The following CTNNA2 variants were observed in gnomAD, a reference collection of about 807,000 sequenced individuals.
The protein encoded by CTNNA2 is catenin alpha-2.
A neutral mutation model predicts 101.0 loss-of-function variants in CTNNA2; 42 were observed. That is an observed-to-expected ratio of 0.42 (90% CI 0.32 to 0.54). CTNNA2 has a LOEUF of 0.54. Among genes scored for constraint, CTNNA2 ranks in the 20% least tolerant of loss-of-function variants. The pLI is 0.14. For missense variants in CTNNA2, 871 were observed against 1,223.1 expected (o/e 0.71, Z 4.29); for synonymous variants, 450 against 456.4 (o/e 0.99, Z 0.18).
At chr2:80,568,203 C>G (rs1174415868) in intron 12 of CTNNA2, among the ~76,000 whole-genome samples, 1 of 152,212 alleles carries the variant, frequency 6.6e-6, no homozygotes, top group Non-Finnish European at 1.5e-5. Context: ...GCCCACTAAT[C>G]ACTTGTTAAA....
At chr2:79,880,291 A>G (rs1683327816) in intron 6 of CTNNA2, among the ~76,000 whole-genome samples, 1 of 151,816 alleles carries the variant, frequency 6.6e-6, no homozygotes, top group African/African-American at 2.4e-5. Context: ...TTTTTATTGC[A>G]TCTCTTCTCA....
At chr2:79,911,313 G>T (rs1190821874) in intron 7 of CTNNA2, among the ~76,000 whole-genome samples, 1 of 152,196 alleles carries the variant, frequency 6.6e-6, no homozygotes, top group African/African-American at 2.4e-5. Context: ...TTACATTAAG[G>T]CACGCTAGTG....
intron 1 of CTNNA2, among the ~76,000 whole-genome samples, chr2:79,617,040 T>G (rs1016394634): frequency 6.6e-6 from 1 of 152,048 alleles, no homozygotes; most frequent in Admixed American, 6.6e-5. Flanking sequence ...TAACTGGGAT[T>G]ACAGGTGTGC....
intron 2 of CTNNA2, among the ~76,000 whole-genome samples, chr2:79,664,110 G>A (rs1335766642): frequency 6.6e-6 from 1 of 152,134 alleles, no homozygotes. Context: ...AATGAAATGT[G>A]TTTTTGTATG....
chr2:80,099,521 G>T (rs1286672973), intron 7 of CTNNA2, among the ~76,000 whole-genome samples: 1 of 152,142 alleles, frequency 6.6e-6, no homozygotes, highest in Non-Finnish European at 1.5e-5. Context: ...GAATTTACTT[G>T]GGAGAACCAT....
At chr2:79,244,131 T>C (rs1366610242) in intron 2 of CTNNA2, among the ~76,000 whole-genome samples, 1 of 152,176 alleles carries the variant, frequency 6.6e-6, no homozygotes, top group Admixed American at 6.5e-5. Flanking sequence ...CCTCATCTTC[T>C]TTGTGGACTT....
chr2:80,043,031 CT>C (rs1696186194), intron 7 of CTNNA2, among the ~76,000 whole-genome samples: 1 of 60,320 alleles, frequency 1.7e-5, no homozygotes, highest in East Asian at 1.2e-3. Context: ...TTCTTTCTTT[CT>C]TTCTTTCCTT....
At chr2:80,075,567 T>A (rs866546825) in intron 7 of CTNNA2, among the ~76,000 whole-genome samples, 18 of 135,096 alleles carry the variant, frequency 1.3e-4, no homozygotes, top group Middle Eastern at 4.0e-3. Context: ...GTATAAATAT[T>A]ATAAAATAAT....
chr2:79,257,441 G>T (rs1473112028), intron 2 of CTNNA2, among the ~76,000 whole-genome samples: 2 of 151,462 alleles, frequency 1.3e-5, no homozygotes, highest in Non-Finnish European at 2.9e-5. Context: ...TGTGATTGTT[G>T]TAAGAGTGAT....
Position 79,567,938 on chromosome 2 carries a change from T to C in CTNNA2, c.-6+54731T>C, listed in dbSNP as rs1675217786. 2.0e-5 allele frequency among the ~76,000 whole-genome samples: 3 copies of C among 152,126 alleles called. No homozygotes were observed. The South Asian group carries it at 6.2e-4, about 32-fold the overall frequency. On this transcript the variant is annotated intron_variant, in intron 1 of 18. Transcript: ENST00000402739. Reference sequence around the variant, plus strand: ...GAGCCAGAGAAGACTGGACTATTTTTAGAGAATGCCTGCAGACTTGGCAGG... The same window carrying C: ...GAGCCAGAGAAGACTGGACTATTTTCAGAGAATGCCTGCAGACTTGGCAGG...
At chr2:79,587,691 CCACT>C (rs1214083783) in intron 1 of CTNNA2, among the ~76,000 whole-genome samples, 1 of 152,162 alleles carries the variant, frequency 6.6e-6, no homozygotes, top group Non-Finnish European at 1.5e-5. Flanking sequence ...GGCTCAAAAG[CCACT>C]CAGGGTGACG....
chr2:79,204,889 C>T (rs1674082017), intron 2 of CTNNA2, among the ~76,000 whole-genome samples: 1 of 152,246 alleles, frequency 6.6e-6, no homozygotes, highest in South Asian at 2.1e-4. Flanking sequence ...GCAGAGCCCT[C>T]ATTGCCTAAA....
In CTNNA2 at chr2:80,077,797, G is replaced by A. The variant is rs115667643; in HGVS notation, c.1056+168000G>A. Among the ~76,000 whole-genome samples the A allele has an allele frequency of 2.4e-3, 358 of 152,260 alleles. 3 individuals are homozygous for A. The highest frequency in any genetic ancestry group is 8.0e-3 in the African/African-American group (334 of 41,558). On this transcript the variant is annotated intron_variant, in intron 7 of 18. Coordinates refer to ENST00000402739, the MANE Select transcript of CTNNA2 (RefSeq NM_001282597.3). ...TTAGTACTCACTGGCAGCTGGAAGC[G>A]AGAGGAGCACTCGTGAGAGAGGGCA...
chr2:80,555,944 C>G lies in CTNNA2; in HGVS notation c.1741+51C>G, dbSNP rs375704269. The G allele has an allele frequency of 1.9e-5, 23 of 1,204,188 alleles. No individual in the cohort carries two copies. The African/African-American group carries it at 3.4e-4, about 18-fold the overall frequency. The allele number at this position is 1,204,188 out of a possible 1,614,324, so 74.6% of individuals were successfully genotyped here. On this transcript the variant is annotated intron_variant, in intron 12 of 18. Coordinates refer to ENST00000402739, the MANE Select transcript of CTNNA2 (RefSeq NM_001282597.3). The stretch of plus-strand genomic sequence containing the variant: ...AAAATGTTAATGCCTTGATTAGTTT[C>G]TATAACTGAATAAATCTGTTTCATT...
chr2:80,187,556 G>T (rs1411682765), intron 7 of CTNNA2, among the ~76,000 whole-genome samples: 2 of 152,144 alleles, frequency 1.3e-5, no homozygotes, highest in Non-Finnish European at 2.9e-5. Flanking sequence ...TATTTCTAAG[G>T]GTTGTGTGGT....
intron 7 of CTNNA2, among the ~76,000 whole-genome samples, chr2:80,008,507 C>CTCTTCT (rs1027530554): frequency 2.0e-5 from 3 of 152,152 alleles, no homozygotes; most frequent in African/African-American, 7.2e-5. Flanking sequence ...ACATCAACTT[C>CTCTTCT]TCTTCTTCTT....
intron 7 of CTNNA2, among the ~76,000 whole-genome samples, chr2:80,170,724 C>T (rs1384569735): frequency 6.6e-6 from 1 of 152,156 alleles, no homozygotes; most frequent in African/African-American, 2.4e-5. Context: ...AGGCAAGCCA[C>T]ATGTTTATTG....
chr2:79,552,406 C>T (rs1170053479), intron 1 of CTNNA2, among the ~76,000 whole-genome samples: 2 of 152,146 alleles, frequency 1.3e-5, no homozygotes, highest in Admixed American at 1.3e-4. Context: ...TGCAGCTATT[C>T]CAGGCACATG....
At chr2:80,067,028 T>TA (rs1024657849) in intron 7 of CTNNA2, among the ~76,000 whole-genome samples, 4 of 152,028 alleles carry the variant, frequency 2.6e-5, no homozygotes, top group African/African-American at 9.7e-5. Context: ...ATGTGAAATC[T>TA]AAAAAAATAG....
Sources: allele counts gnomAD v4.1 joint callset (sites outside exome capture counted in the v4.1 genomes callset), GRCh38; gene constraint gnomAD v4.1.1; transcripts MANE v1.5; gene names NCBI Gene and HGNC (gene_info 2026-07-23, HGNC 2026-07-21).